The following EXOC1 variants were observed in gnomAD, a reference collection of about 807,000 sequenced individuals.
The protein encoded by EXOC1 is exocyst complex component 1, also known as SEC3-like 1.
EXOC1 carries 67 observed loss-of-function variants against 107.7 expected under a neutral mutation model. The ratio of observed to expected loss-of-function variants is 0.62; its 90% CI spans 0.51 to 0.76. The LOEUF (loss-of-function observed/expected upper bound fraction) is 0.76, where lower values mean the gene tolerates loss of function less well. Ranked by LOEUF, EXOC1 falls within the 30% of genes least tolerant of loss-of-function variation. The pLI is 0.00. For synonymous variants in EXOC1, 348 were observed against 353.5 expected (o/e 0.98, Z 0.17); for missense variants, 833 against 1,055.7 (o/e 0.79, Z 2.92).
rs1577714490 is a variant in EXOC1 at position 55,872,908 on chromosome 4, C to G, written c.1074+950C>G. On this transcript the variant is annotated intron_variant, in intron 8 of 18. Transcript: ENST00000381295. ...GCAGCCGAATCTTTACAGATTATAA[C>G]TTACTGATTTAAGCTACCTGTTAAC... 3 of 358,600 alleles carry G rather than the reference C, an allele frequency of 8.4e-6. No individual in the cohort carries two copies. In the South Asian group the frequency reaches 3.4e-4, roughly 40 times the overall value. 22.2% of individuals were successfully genotyped at this position (358,600 alleles called of 1,614,324 possible).
At position 55,868,388 on chromosome 4, in the gene EXOC1, A is replaced by G; in HGVS notation, c.468A>G (p.Val156=). The change falls in exon 5 of 19, where the codon GTA becomes GTG. Residue 156 remains valine (V), a synonymous_variant. Transcript: ENST00000381295. ...GTGTGACAGGAGGTGATGAAGAAGTAGTAGATGAATACCAAGAGTTAAATG... is the reference window on the plus strand; with the variant it reads ...GTGTGACAGGAGGTGATGAAGAAGTGGTAGATGAATACCAAGAGTTAAATG... ...NQSVTGGDEE[V]VDEYQELNAR... is the part of the protein sequence containing the mutation. The G allele has an allele frequency of 1.9e-6, 3 of 1,613,916 alleles. No individual in the cohort carries two copies. The highest frequency in any genetic ancestry group is 2.5e-6 in the Non-Finnish European group (3 of 1,179,870).
rs190291955 is a variant in EXOC1, at chr4:55,904,453, G to A, written c.2643G>A (p.Gln881=). The A allele has an allele frequency of 1.3e-5, 21 of 1,612,716 alleles. No homozygotes were observed. In the East Asian group the frequency reaches 4.7e-4, roughly 36 times the overall value. ...GTGTTACAATGGAATTCACTATTCA[G>A]GACATTCTGGATTATTGTTCCAGCA... ...GSGVTMEFTI[Q]DILDYCSSIA... The change falls in exon 19 of 19, where the codon CAG becomes CAA. Residue 881 remains glutamine, a synonymous_variant. Transcript: ENST00000381295.
chr4:55,875,384 G>A (rs1722802062), intron 8 of EXOC1: 1 of 944,086 alleles, frequency 1.1e-6, no homozygotes, highest in African/African-American at 1.8e-5. Context: ...AAAAGAATAA[G>A]TAAGTATGCC....
intron 7 of EXOC1, among the ~76,000 whole-genome samples, chr4:55,871,502 C>T (rs980803291): frequency 1.2e-4 from 19 of 152,264 alleles, no homozygotes; most frequent in Non-Finnish European, 2.1e-4. Flanking sequence ...AAAGTAGGTG[C>T]TTTGGTTAGA....
intron 5 of EXOC1, 31 bp downstream of exon 5, chr4:55,868,554 G>A (rs1271451138): frequency 6.3e-7 from 1 of 1,594,342 alleles, no homozygotes; most frequent in Non-Finnish European, 8.6e-7. Flanking sequence ...ATGAATAAGT[G>A]ATGTATAGTG....
intron 10 of EXOC1, 82 bp from the exon 11 acceptor site, chr4:55,888,806 C>A: frequency 7.1e-7 from 1 of 1,415,992 alleles, no homozygotes; most frequent in Non-Finnish European, 1.0e-6. Flanking sequence ...AGAGCTTTAA[C>A]TTCCTCTTGT....
Position 55,891,412 on chromosome 4 carries a change from CTGGAACTATGGTA to C in EXOC1, c.1641_1647+6del. The stretch of plus-strand genomic sequence containing the variant: ...AAACTACAGCAACATCAAAGTATGC[CTGGAACTATGGTA>C]TGGCTCACAGTGTATTTTGGATAGT... On this transcript the variant is annotated splice_donor_variant and splice_donor_region_variant and coding_sequence_variant and intron_variant, in exon 13 of 19. Transcript: ENST00000381295. LOFTEE classifies it high-confidence loss of function. 6.2e-7 allele frequency: 1 copy of C among 1,605,498 alleles called. No individual in the cohort carries two copies. Among genetic ancestry groups the C allele is most frequent in the Non-Finnish European group, 8.5e-7 (1 of 1,172,400 alleles).
chr4:55,889,352 T>TA (rs1724252425), intron 11 of EXOC1, among the ~76,000 whole-genome samples: 1 of 152,200 alleles, frequency 6.6e-6, no homozygotes, highest in African/African-American at 2.4e-5. Context: ...AGGATGTTTT[T>TA]AAAATATATT....
intron 17 of EXOC1, among the ~76,000 whole-genome samples, chr4:55,901,685 C>T (rs1406266310): frequency 6.6e-6 from 1 of 152,028 alleles, no homozygotes; most frequent in Admixed American, 6.6e-5. Flanking sequence ...ACTTTTTTTA[C>T]TCTGGCAACT....
chr4:55,866,232 G>A (rs958843665), intron 4 of EXOC1, among the ~76,000 whole-genome samples: 7 of 152,278 alleles, frequency 4.6e-5, no homozygotes, highest in South Asian at 2.1e-4. Context: ...AATTGAATAC[G>A]TAAGTTAAAT....
At chr4:55,875,768 A>T in intron 8 of EXOC1, 7 of 985,414 alleles carry the variant, frequency 7.1e-6, no homozygotes, top group Non-Finnish European at 8.4e-6. Context: ...GTGACCAATT[A>T]AGGCACATAG....
At chr4:55,876,161 G>T in intron 8 of EXOC1, 1 of 985,178 alleles carries the variant, frequency 1.0e-6, no homozygotes. Flanking sequence ...TTTATTGTTA[G>T]CCCTTACAGA....
rs767713797 is a variant in EXOC1 at position 55,896,700 on chromosome 4, T to C, written c.1954-17T>C. 1.9e-6 allele frequency: 3 copies of C among 1,580,394 alleles called. No individual in the cohort carries two copies. Among genetic ancestry groups the C allele is most frequent in the South Asian group, 2.4e-5 (2 of 84,922 alleles). ...TTGCTTGGTTATTTATCTCCCTTGC[T>C]CTCTGCCTAACTTTAGAGTAACCAA... is the stretch of plus-strand genomic sequence containing the variant. On this transcript the variant is annotated splice_polypyrimidine_tract_variant and intron_variant, in intron 15 of 18. Transcript: ENST00000381295.
intron 1 of EXOC1, among the ~76,000 whole-genome samples, chr4:55,858,065 TTTC>T (rs2110305998): frequency 6.6e-6 from 1 of 152,320 alleles, no homozygotes; most frequent in East Asian, 1.9e-4. Context: ...TGAAGATTTT[TTTC>T]TTAAATCTTG....
rs555742458 is a variant in EXOC1 at position 55,892,780 on chromosome 4, T to G, written c.1724+69T>G. ...CTTTAAAATGTGGAGTGCTGCTCAT[T>G]GAGGGGTCTAGATGTTTCTCAGTAG... On this transcript the variant is annotated intron_variant, in intron 14 of 18. Transcript: ENST00000381295. The G allele has an allele frequency of 4.8e-5, 70 of 1,458,030 alleles. 1 individual carries two copies. The African/African-American group carries it at 9.0e-4, about 19-fold the overall frequency. 90.3% of individuals were successfully genotyped at this position (1,458,030 alleles called of 1,614,324 possible).
At chr4:55,863,054 C>T (rs1003752579) in intron 3 of EXOC1, among the ~76,000 whole-genome samples, 1 of 152,062 alleles carries the variant, frequency 6.6e-6, no homozygotes, top group Non-Finnish European at 1.5e-5. Context: ...GTACATGCCA[C>T]TACACCCGGC....
At chr4:55,891,610 CAG>C (rs1178641819) in intron 13 of EXOC1, among the ~76,000 whole-genome samples, 188 bp downstream of exon 13, 1 of 152,062 alleles carries the variant, frequency 6.6e-6, no homozygotes, top group Non-Finnish European at 1.5e-5. Context: ...AAAACAGTGA[CAG>C]ATGAAGTTTG....
intron 5 of EXOC1, among the ~76,000 whole-genome samples, chr4:55,870,151 A>G (rs1345303124): frequency 3.3e-5 from 5 of 152,224 alleles, no homozygotes; most frequent in African/African-American, 1.2e-4. Context: ...AGTTCCCATC[A>G]TACTACAGTT....
At chr4:55,884,792 G>A (rs1467548172) in intron 10 of EXOC1, among the ~76,000 whole-genome samples, 1 of 152,156 alleles carries the variant, frequency 6.6e-6, no homozygotes, top group Non-Finnish European at 1.5e-5. Flanking sequence ...AGCAACTTCA[G>A]TAATCAAGAA....
Sources: gnomAD v4.1 joint callset for allele counts (sites outside exome capture counted in the v4.1 genomes callset) on GRCh38, gnomAD v4.1.1 for gene constraint, MANE v1.5 for transcripts, NCBI Gene and HGNC (gene_info 2026-07-23, HGNC 2026-07-21) for gene names.